Variants in AFF2 observed in about 807,000 individuals in gnomAD.
The protein encoded by AFF2 is AF4/FMR2 family member 2.
AFF2 carries 14 observed loss-of-function variants against 76.9 expected under a neutral mutation model. That is an observed-to-expected ratio of 0.18 (90% CI 0.12 to 0.28). The LOEUF (loss-of-function observed/expected upper bound fraction) is 0.28, where lower values mean the gene tolerates loss of function less well. Among genes scored for constraint, AFF2 ranks in the 10% least tolerant of loss-of-function variants. The pLI, the probability that AFF2 is intolerant of heterozygous loss-of-function variation, is 1.00. For missense variants in AFF2, 868 were observed against 1,001.1 expected, an observed-to-expected ratio of 0.87 and a Z score of 1.79; for synonymous variants, 398 against 366.7, an observed-to-expected ratio of 1.09 and a Z score of -0.98.
rs188208167 is a variant in AFF2 at position 148,967,079 on chromosome X, C to G, written c.3203C>G (p.Ser1068Trp). ...AGACCCAAGCTCACTTTTGATGACT[C>G]GTATGTTGTTCCAGATTATCATGGA... ...VRRPKLTFDD[S>W]VHNADYYMQE... is the part of the protein sequence containing the mutation. Residue 1068 changes from serine (S) to tryptophan (W), a missense_variant and splice_region_variant, in exon 14 of 21, where the codon TCG (serine) becomes TGG (tryptophan). Physicochemically the swap from Ser to Trp is radical, Grantham distance 177. Transcript: ENST00000370460. The G allele has an allele frequency of 8.3e-7, 1 of 1,208,509 alleles. No individual in the cohort carries two copies. Among genetic ancestry groups the G allele is most frequent in the Non-Finnish European group, 1.1e-6 (1 of 894,409 alleles).
intron 4 of AFF2, among the ~76,000 whole-genome samples, chrX:148,818,488 C>A (rs1228165596): frequency 8.9e-6 from 1 of 112,078 alleles, no homozygotes; most frequent in Non-Finnish European, 1.9e-5. Context: ...CGTTTGTGTT[C>A]TCCCTAAGTT....
chrX:148,629,488 A>C (rs1264124676), intron 1 of AFF2, among the ~76,000 whole-genome samples: 1 of 111,661 alleles, frequency 9.0e-6, no homozygotes, highest in African/African-American at 3.3e-5. Flanking sequence ...TTTAATTAAA[A>C]TCTCATTATG....
At chrX:148,709,163 C>A (rs907315040) in intron 3 of AFF2, among the ~76,000 whole-genome samples, 9 of 111,441 alleles carry the variant, frequency 8.1e-5, no homozygotes, top group Non-Finnish European at 1.7e-4. Context: ...ATCTGGCATT[C>A]ATTGTAGATT....
chrX:148,648,484 C>T (rs1393447954), intron 1 of AFF2, among the ~76,000 whole-genome samples: 3 of 103,884 alleles, frequency 2.9e-5, no homozygotes, highest in Non-Finnish European at 5.9e-5. Flanking sequence ...ATCGCTTGAA[C>T]CTGGGAGGTG....
At position 148,996,520 on chromosome X, in the gene AFF2, G is replaced by C. The variant is rs782792109; in HGVS notation, c.*5188G>C. The C allele has an allele frequency of 2.0e-3, 226 of 112,722 alleles. 1 individual carries two copies. Among genetic ancestry groups the C allele is most frequent in the African/African-American group, 7.1e-3 (220 of 31,066 alleles). The allele number at this position is 112,722 out of a possible 1,213,427, so 9.3% of individuals were successfully genotyped here. On this transcript the variant is annotated 3_prime_UTR_variant, in exon 21 of 21. Transcript: ENST00000370460. ...ACGCCACTGGATGCAGCCAGTCAGAGGGTTCATATTTAATATATGTGTTCA... is the reference window on the plus strand; with the variant it reads ...ACGCCACTGGATGCAGCCAGTCAGACGGTTCATATTTAATATATGTGTTCA...
At chrX:148,676,048 T>C (rs1340601527) in intron 3 of AFF2, among the ~76,000 whole-genome samples, 1 of 107,875 alleles carries the variant, frequency 9.3e-6, no homozygotes, top group Non-Finnish European at 1.9e-5. Context: ...TTTGATACTA[T>C]GAATTGTGAT....
chrX:148,848,581 A>T (rs1557274977), intron 7 of AFF2, among the ~76,000 whole-genome samples: 1 of 112,374 alleles, frequency 8.9e-6, no homozygotes, highest in Non-Finnish European at 1.9e-5. Flanking sequence ...TTGATCTGCT[A>T]CTTGGATGCA....
At chrX:148,724,580 G>A in intron 3 of AFF2, among the ~76,000 whole-genome samples, 1 of 112,071 alleles carries the variant, frequency 8.9e-6, no homozygotes, top group Non-Finnish European at 1.9e-5. Context: ...TTGCCTGAGA[G>A]ATATTACTAT....
intron 1 of AFF2, among the ~76,000 whole-genome samples, chrX:148,520,971 T>C (rs1459768757): frequency 2.7e-5 from 3 of 112,301 alleles, no homozygotes; most frequent in African/African-American, 9.7e-5. Context: ...AGAAGAAGTC[T>C]TTGTGTGGAA....
At chrX:148,717,185 A>G (rs1436998349) in intron 3 of AFF2, among the ~76,000 whole-genome samples, 1 of 112,095 alleles carries the variant, frequency 8.9e-6, no homozygotes, top group Non-Finnish European at 1.9e-5. Context: ...GGACAAACGA[A>G]TACACAAAAT....
chrX:148,654,919 T>C (rs2054236254), intron 2 of AFF2, among the ~76,000 whole-genome samples: 1 of 111,074 alleles, frequency 9.0e-6, no homozygotes, highest in African/African-American at 3.3e-5. Flanking sequence ...AGGTTTATTC[T>C]TAAAATCCAA....
At chrX:148,861,985 C>T (rs1179707180) in intron 7 of AFF2, among the ~76,000 whole-genome samples, 1 of 109,885 alleles carries the variant, frequency 9.1e-6, no homozygotes, top group Non-Finnish European at 1.9e-5. Context: ...CCCCTCAGAC[C>T]ACCTGCAACT....
rs1291496737 is a variant in AFF2 at position 148,696,234 on chromosome X, G to A, written c.1041+33466G>A. ...TTTTCAAATTAGTTCTCACTCATAG[G>A]TGGGAATTGAACAATGAGAACACTT... is the stretch of plus-strand genomic sequence containing the variant. On this transcript the variant is annotated intron_variant, in intron 3 of 20. Transcript: ENST00000370460. Among the ~76,000 whole-genome samples, 5 of 109,075 alleles carry A rather than the reference G, an allele frequency of 4.6e-5. No homozygotes were observed. In the East Asian group the frequency reaches 1.4e-3, roughly 32 times the overall value. 94.7% of individuals were successfully genotyped at this position (109,075 alleles called of 115,157 possible).
intron 1 of AFF2, among the ~76,000 whole-genome samples, chrX:148,639,690 G>A (rs2054067793): frequency 9.0e-6 from 1 of 111,672 alleles, no homozygotes; most frequent in African/African-American, 3.3e-5. Flanking sequence ...AATGAATTAT[G>A]CACTGGTGGG....
chrX:148,857,981 A>G (rs782691121), intron 7 of AFF2, among the ~76,000 whole-genome samples: 10 of 111,902 alleles, frequency 8.9e-5, no homozygotes, highest in African/African-American at 3.2e-4. Context: ...GCAGTTCATT[A>G]TGCACATCAA....
At chrX:148,900,610 T>C (rs1557280781) in intron 8 of AFF2, among the ~76,000 whole-genome samples, 1 of 110,873 alleles carries the variant, frequency 9.0e-6, no homozygotes, top group Non-Finnish European at 1.9e-5. Flanking sequence ...CAGGGTCCAA[T>C]GTTAATAAAA....
chrX:148,507,927 G>A (rs188897631), intron 1 of AFF2, among the ~76,000 whole-genome samples: 82 of 112,052 alleles, frequency 7.3e-4, no homozygotes, highest in African/African-American at 2.4e-3. Flanking sequence ...TACTTTATGG[G>A]ATGCTGTTTT....
intron 3 of AFF2, among the ~76,000 whole-genome samples, chrX:148,704,460 G>GTATATATTTATATATATGTGTATA (rs1183166736): frequency 3.4e-4 from 5 of 14,867 alleles, no homozygotes; most frequent in Admixed American, 1.6e-3. Context: ...TTATATATGT[G>GTATATATTTATATATATGTGTATA]TATATATTTA....
chrX:148,980,386 G>C (rs2072376965), intron 18 of AFF2, among the ~76,000 whole-genome samples: 1 of 112,162 alleles, frequency 8.9e-6, no homozygotes, highest in South Asian at 3.7e-4. Flanking sequence ...GGAGCTAAAG[G>C]TGAAAAGCTT....
Sources: gnomAD v4.1 joint callset for allele counts (sites outside exome capture counted in the v4.1 genomes callset) on GRCh38, gnomAD v4.1.1 for gene constraint, MANE v1.5 for transcripts, NCBI Gene and HGNC (gene_info 2026-07-23, HGNC 2026-07-21) for gene names.